The following RTL4 variants were observed in gnomAD, a reference collection of about 807,000 sequenced individuals.
RTL4 encodes retrotransposon Gag like 4, also known as retrotransposon Gag-like protein 4.
A neutral mutation model predicts 5.3 loss-of-function variants in RTL4; 4 were observed. That is an observed-to-expected ratio of 0.75 (90% confidence interval 0.37 to 1.72). The LOEUF (loss-of-function observed/expected upper bound fraction) is 1.72. RTL4 is among the 40% of genes most tolerant of loss of function. The pLI is 0.04. For synonymous variants in RTL4, 98 were observed against 87.3 expected, an observed-to-expected ratio of 1.12 and a Z score of -0.68; for missense variants, 260 against 227.1, an observed-to-expected ratio of 1.14 and a Z score of -0.93.
chrX:112,105,523 T>C, the RTL4 span, among the ~76,000 whole-genome samples: 1 of 111,745 alleles, frequency 8.9e-6, no homozygotes, highest in South Asian at 3.7e-4. Context: ...TGCATGATTG[T>C]TGGCTATCTT....
the RTL4 span, among the ~76,000 whole-genome samples, chrX:112,200,815 T>C: frequency 8.9e-6 from 1 of 112,039 alleles, no homozygotes; most frequent in African/African-American, 3.2e-5. Flanking sequence ...TTTGAAATCC[T>C]GGTGCTGCTG....
the RTL4 span, among the ~76,000 whole-genome samples, chrX:112,189,392 A>G: frequency 8.9e-6 from 1 of 112,325 alleles, no homozygotes; most frequent in Non-Finnish European, 1.9e-5. Context: ...CACAGACCAC[A>G]TTACACAATA....
At chrX:112,318,007 G>A in the RTL4 span, among the ~76,000 whole-genome samples, 2 of 112,229 alleles carry the variant, frequency 1.8e-5, no homozygotes, top group African/African-American at 6.5e-5. Flanking sequence ...GATGCTCATT[G>A]CAACAACACA....
the RTL4 span, among the ~76,000 whole-genome samples, chrX:112,236,850 A>G: frequency 3.6e-5 from 4 of 111,334 alleles, no homozygotes; most frequent in African/African-American, 1.3e-4. Flanking sequence ...GATTAAGTTA[A>G]GCATTTTGAG....
chrX:112,169,020 C>CTT, the RTL4 span, among the ~76,000 whole-genome samples: 25 of 49,995 alleles, frequency 5.0e-4, no homozygotes, highest in Non-Finnish European at 6.8e-4. Context: ...TTCTTTCTTT[C>CTT]TCTTTCTCTT....
At chrX:112,433,050 G>T in the RTL4 span, among the ~76,000 whole-genome samples, 1 of 108,907 alleles carries the variant, frequency 9.2e-6, no homozygotes, top group Non-Finnish European at 1.9e-5. Flanking sequence ...GTAGATATGC[G>T]GCATTATTTC....
the RTL4 span, among the ~76,000 whole-genome samples, chrX:112,141,943 G>T: frequency 9.0e-6 from 1 of 111,728 alleles, no homozygotes; most frequent in Non-Finnish European, 1.9e-5. Context: ...AAAGAGAAGA[G>T]ATATTATTTA....
chrX:112,284,569 T>A, the RTL4 span, among the ~76,000 whole-genome samples: 1 of 111,585 alleles, frequency 9.0e-6, no homozygotes, highest in Non-Finnish European at 1.9e-5. Context: ...CTCTAAACTA[T>A]GAAAAGCCCA....
the RTL4 span, among the ~76,000 whole-genome samples, chrX:112,174,163 G>A: frequency 2.0e-5 from 2 of 101,445 alleles, no homozygotes; most frequent in Non-Finnish European, 4.0e-5. Flanking sequence ...CATGTGCCAT[G>A]CTGGTGTGCT....
chrX:112,298,937 AG>A, the RTL4 span, among the ~76,000 whole-genome samples: 1 of 112,798 alleles, frequency 8.9e-6, no homozygotes, highest in African/African-American at 3.2e-5. Context: ...CTCTCTTCTA[AG>A]TTGTGTAAGA....
chrX:112,431,187 G>T, the RTL4 span, among the ~76,000 whole-genome samples: 1 of 110,350 alleles, frequency 9.1e-6, no homozygotes, highest in Non-Finnish European at 1.9e-5. Context: ...GAGGGGGCTG[G>T]ATTTGCATAT....
the RTL4 span, among the ~76,000 whole-genome samples, chrX:112,317,932 C>T: frequency 1.8e-5 from 2 of 111,917 alleles, no homozygotes; most frequent in Admixed American, 1.9e-4. Flanking sequence ...GTGGATGTTG[C>T]TTCAACAATG....
At chrX:112,360,399 G>A in the RTL4 span, among the ~76,000 whole-genome samples, 9 of 111,214 alleles carry the variant, frequency 8.1e-5, no homozygotes, top group Non-Finnish European at 1.5e-4. Context: ...GAGTTTTAAA[G>A]TATAAGAGAA....
the RTL4 span, among the ~76,000 whole-genome samples, chrX:112,334,541 A>T: frequency 1.8e-5 from 2 of 111,418 alleles, no homozygotes; most frequent in East Asian, 5.6e-4. Flanking sequence ...GGGTTTTTGG[A>T]TTTGGGGTGA....
the RTL4 span, among the ~76,000 whole-genome samples, chrX:112,179,475 A>C: frequency 2.4e-3 from 271 of 112,074 alleles, 1 homozygote; most frequent in Admixed American, 8.3e-3. Context: ...TCGGTTCACC[A>C]AGCCGAATCT....
the RTL4 span, among the ~76,000 whole-genome samples, chrX:112,188,794 T>A: frequency 9.0e-6 from 1 of 111,129 alleles, no homozygotes; most frequent in African/African-American, 3.3e-5. Flanking sequence ...CCGCCTCCCA[T>A]TTTCCTATAC....
chrX:112,253,504 G>T, the RTL4 span, among the ~76,000 whole-genome samples: 1 of 112,381 alleles, frequency 8.9e-6, no homozygotes, highest in African/African-American at 3.2e-5. Context: ...GAAAGGCCAG[G>T]TTGGCTGGTA....
At chrX:112,129,218 A>G in the RTL4 span, among the ~76,000 whole-genome samples, 1 of 112,001 alleles carries the variant, frequency 8.9e-6, no homozygotes, top group Non-Finnish European at 1.9e-5. Flanking sequence ...TGATGAAGAA[A>G]TTAGAACCCT....
At chrX:112,248,797 A>G in the RTL4 span, among the ~76,000 whole-genome samples, 1 of 112,314 alleles carries the variant, frequency 8.9e-6, no homozygotes, top group Non-Finnish European at 1.9e-5. Flanking sequence ...TCAGACCTAA[A>G]TCAAGTAGAA....
Sources: allele counts gnomAD v4.1 joint callset (sites outside exome capture counted in the v4.1 genomes callset), GRCh38; gene constraint gnomAD v4.1.1; transcripts MANE v1.5; gene names NCBI Gene and HGNC (gene_info 2026-07-23, HGNC 2026-07-21).